GLDC: variants seen among roughly 807,000 people sequenced by gnomAD.
GLDC encodes glycine decarboxylase, also known as glycine dehydrogenase (decarboxylating), mitochondrial.
Under a neutral mutation model 121.3 loss-of-function variants are expected in GLDC, and 104 were observed. The ratio of observed to expected loss-of-function variants is 0.86; its 90% confidence interval spans 0.73 to 1.01. The LOEUF (loss-of-function observed/expected upper bound fraction) is 1.01, where lower values mean the gene tolerates loss of function less well. Ranked by LOEUF, GLDC falls within the 50% of genes least tolerant of loss-of-function variation. The pLI is 0.00. For synonymous variants in GLDC, 546 were observed against 480.6 expected (o/e 1.14, Z -1.78); for missense variants, 1,429 against 1,306.6 (o/e 1.09, Z -1.44).
intron 2 of GLDC, among the ~76,000 whole-genome samples, chr9:6,628,441 A>G (rs868009480): frequency 6.6e-6 from 1 of 152,210 alleles, no homozygotes; most frequent in African/African-American, 2.4e-5. Flanking sequence ...CATGAACTAC[A>G]ATGAAACTAA....
At chr9:6,580,732 G>A (rs567736115) in intron 15 of GLDC, among the ~76,000 whole-genome samples, 10 of 152,298 alleles carry the variant, frequency 6.6e-5, no homozygotes, top group African/African-American at 1.9e-4. Context: ...ACATCAGGCA[G>A]CAAGCCCATC....
intron 3 of GLDC, among the ~76,000 whole-genome samples, chr9:6,611,185 A>C (rs1233646343): frequency 3.9e-5 from 6 of 152,262 alleles, no homozygotes. Context: ...TTTAGAAGGC[A>C]ACGTAAACAT....
chr9:6,600,294 G>C (rs1234544974), intron 8 of GLDC, among the ~76,000 whole-genome samples: 1 of 151,946 alleles, frequency 6.6e-6, no homozygotes, highest in Non-Finnish European at 1.5e-5. Flanking sequence ...TTTGAGCCCT[G>C]GAGGTTGAAG....
intron 2 of GLDC, chr9:6,639,668 A>AAAAAAAAATATATATATATATATATAT: frequency 4.1e-6 from 1 of 244,954 alleles, no homozygotes; most frequent in African/African-American, 5.2e-5. Flanking sequence ...ATAAAAAAAA[A>AAAAAAAAATATATATATATATATATAT]GTATATATAT....
chr9:6,627,396 G>T (rs1819267702), intron 2 of GLDC, among the ~76,000 whole-genome samples: 1 of 150,274 alleles, frequency 6.7e-6, no homozygotes. Flanking sequence ...ATGAGACAAA[G>T]AAGTTTCTAA....
At chr9:6,611,331 G>T (rs1007562328) in intron 3 of GLDC, among the ~76,000 whole-genome samples, 8 of 152,202 alleles carry the variant, frequency 5.3e-5, no homozygotes, top group Non-Finnish European at 1.0e-4. Flanking sequence ...GTCAAGGCGG[G>T]CGGATCACGA....
intron 2 of GLDC, among the ~76,000 whole-genome samples, chr9:6,643,561 C>G (rs997151723): frequency 5.3e-5 from 8 of 151,682 alleles, no homozygotes; most frequent in Non-Finnish European, 1.2e-4. Context: ...AGCCTGTGCC[C>G]TTGACTTATG....
intron 15 of GLDC, among the ~76,000 whole-genome samples, chr9:6,584,075 ATAC>A (rs1369962755): frequency 6.6e-6 from 1 of 152,238 alleles, no homozygotes; most frequent in Non-Finnish European, 1.5e-5. Context: ...GAGTTGTGAA[ATAC>A]TACTAAGGCT....
chr9:6,572,355 C>T (rs546464132), intron 15 of GLDC, among the ~76,000 whole-genome samples: 5 of 152,102 alleles, frequency 3.3e-5, no homozygotes, highest in South Asian at 2.1e-4. Context: ...CTTAAAAGTA[C>T]GAAGGAGGGT....
At chr9:6,547,855 T>C (rs1403529523) in intron 21 of GLDC, among the ~76,000 whole-genome samples, 1 of 152,130 alleles carries the variant, frequency 6.6e-6, no homozygotes, top group Non-Finnish European at 1.5e-5. Context: ...GTAGGCCAGG[T>C]GCAGTGGCTC....
chr9:6,541,030 T>C (rs1817247184), intron 21 of GLDC: 1 of 152,158 alleles, frequency 6.6e-6, no homozygotes, highest in Non-Finnish European at 1.5e-5. Context: ...AAGTCGAGGC[T>C]GCAGTGAGCC....
chr9:6,644,495 T>G lies in GLDC; in HGVS notation c.334+119A>C, dbSNP rs1039742027. ...CGGAGGTACCCGCCACTGTTTTATT[T>G]TAATCCACACATTCCCAGTCCTGAG... On this transcript the variant is annotated intron_variant, in intron 2 of 24. Transcript: ENST00000321612. 9 of 746,508 alleles carry G rather than the reference T, an allele frequency of 1.2e-5. No individual in the cohort carries two copies. The African/African-American group carries it at 1.4e-4, about 11-fold the overall frequency. 46.2% of individuals were successfully genotyped at this position (746,508 alleles called of 1,614,324 possible). A position where few individuals can be genotyped will look rare whatever the true frequency, so the allele number is the denominator to read the frequency against.
At chr9:6,579,576 C>A (rs1253874927) in intron 15 of GLDC, among the ~76,000 whole-genome samples, 2 of 152,040 alleles carry the variant, frequency 1.3e-5, no homozygotes, top group African/African-American at 2.4e-5. Flanking sequence ...CCAGGCTGTT[C>A]TCAAACTCCT....
In GLDC at chr9:6,593,002, A is replaced by G; in HGVS notation, c.1262-12T>C. 1 of 1,613,992 alleles carries G rather than the reference A, an allele frequency of 6.2e-7. No individual in the cohort carries two copies. Among genetic ancestry groups the G allele is most frequent in the Non-Finnish European group, 8.5e-7 (1 of 1,179,816 alleles). On this transcript the variant is annotated splice_polypyrimidine_tract_variant and intron_variant, in intron 9 of 24. Coordinates refer to ENST00000321612, the MANE Select transcript of GLDC (RefSeq NM_000170.3). ...TGCTCGCTTGAGACCTACACAAGAT[A>G]GGAGATCCCCCAAACTCTCATATAG...
intron 22 of GLDC, among the ~76,000 whole-genome samples, chr9:6,539,760 C>G (rs1222950676): frequency 1.3e-5 from 2 of 152,184 alleles, no homozygotes; most frequent in African/African-American, 4.8e-5. Context: ...CTTGCTCTGT[C>G]TCCTTTACCA....
chr9:6,614,040 G>C (rs927879929), intron 3 of GLDC, among the ~76,000 whole-genome samples: 2 of 151,692 alleles, frequency 1.3e-5, no homozygotes, highest in Non-Finnish European at 2.9e-5. Flanking sequence ...GCCTCCCAAA[G>C]TGCTGGGATT....
At chr9:6,545,323 A>T (rs1817364820) in intron 21 of GLDC, among the ~76,000 whole-genome samples, 1 of 152,222 alleles carries the variant, frequency 6.6e-6, no homozygotes, top group Non-Finnish European at 1.5e-5. Context: ...TCTTGCTCCT[A>T]CTGTACTGAA....
At chr9:6,614,965 A>T (rs1318014359) in intron 3 of GLDC, among the ~76,000 whole-genome samples, 1 of 152,210 alleles carries the variant, frequency 6.6e-6, no homozygotes, top group Non-Finnish European at 1.5e-5. Context: ...GTACAGTAAA[A>T]ATACAGAATT....
intron 3 of GLDC, among the ~76,000 whole-genome samples, chr9:6,615,892 C>T (rs1308460213): frequency 6.6e-6 from 1 of 151,968 alleles, no homozygotes; most frequent in Non-Finnish European, 1.5e-5. Context: ...GGGATACAGG[C>T]GTGAGCCACC....
Sources: allele counts gnomAD v4.1 joint callset (sites outside exome capture counted in the v4.1 genomes callset), GRCh38; gene constraint gnomAD v4.1.1; transcripts MANE v1.5; gene names NCBI Gene and HGNC (gene_info 2026-07-23, HGNC 2026-07-21).